APEX2: variants seen among roughly 807,000 people sequenced by gnomAD.
APEX2 encodes the protein apurinic/apyrimidinic endodeoxyribonuclease 2, also known as DNA-(apurinic or apyrimidinic site) endonuclease 2.
APEX2 carries 4 observed loss-of-function variants against 16.7 expected under a neutral mutation model. That is an observed-to-expected ratio of 0.24 (90% CI 0.12 to 0.55). APEX2 has a LOEUF of 0.55. Among genes scored for constraint, APEX2 ranks in the 20% least tolerant of loss-of-function variants. The pLI is 0.94. For missense variants in APEX2, 357 were observed against 433.6 expected (o/e 0.82, Z 1.57); for synonymous variants, 181 against 166.9 (o/e 1.08, Z -0.65).
Position 55,006,860 on chromosome X carries a change from T to C in APEX2, c.982T>C (p.Phe328Leu). 1 of 1,211,940 alleles carries C rather than the reference T, an allele frequency of 8.3e-7. No individual in the cohort carries two copies. The highest frequency in any genetic ancestry group is 1.1e-6 in the Non-Finnish European group (1 of 895,529). ...AKQCPPLCTR[F>L]LPEFAGTQLK... ...ACAGTGCCCACCTCTGTGCACCCGC[T>C]TCCTCCCTGAGTTTGCAGGCACCCA... The change falls in exon 6 of 6, where the codon TTC (phenylalanine) becomes CTC (leucine). Residue 328 changes from phenylalanine (F) to leucine (L), a missense_variant. Coordinates refer to ENST00000374987, the MANE Select transcript of APEX2 (RefSeq NM_014481.4).
Position 55,007,986 on chromosome X carries a change from G to T in APEX2, c.*551G>T, listed in dbSNP as rs28382697. The T allele has an allele frequency of 0.069, 7,767 of 112,004 alleles. 644 individuals are homozygous for T. Among genetic ancestry groups the T allele is most frequent in the African/African-American group, 0.24 (7,364 of 30,506 alleles). 9.2% of individuals were successfully genotyped at this position (112,004 alleles called of 1,213,427 possible). A position where few individuals can be genotyped will look rare whatever the true frequency, so the allele number is the denominator to read the frequency against. On this transcript the variant is annotated 3_prime_UTR_variant, in exon 6 of 6. Transcript: ENST00000374987. ...TAGGAATTTCCTGTACGGCTAAGGT[G>T]AAATCAGCAAGGAAGGTGGGCTGTG...
chrX:55,003,202 C>T (rs1055205090), intron 4 of APEX2, 94 bp downstream of exon 4: 2 of 1,026,134 alleles, frequency 1.9e-6, no homozygotes, highest in African/African-American at 1.9e-5. Context: ...GACCCTTTGT[C>T]TCTGAGTTCT....
intron 5 of APEX2, among the ~76,000 whole-genome samples, chrX:55,005,305 A>C (rs927903841): frequency 8.9e-6 from 1 of 111,906 alleles, no homozygotes; most frequent in Non-Finnish European, 1.9e-5. Context: ...TGCCTTTTCT[A>C]CTTAGTTCAG....
intron 5 of APEX2, among the ~76,000 whole-genome samples, chrX:55,004,094 C>A (rs760216089): frequency 6.0e-4 from 68 of 112,767 alleles, no homozygotes; most frequent in Middle Eastern, 4.6e-3. Flanking sequence ...GGAGTCAGAT[C>A]CAGCCCTTGG....
In APEX2 at chrX:55,006,571, C is replaced by T; in HGVS notation, c.693C>T (p.Asn231=). 13 of 1,136,941 alleles carry T rather than the reference C, an allele frequency of 1.1e-5. No individual in the cohort carries two copies. The highest frequency in any genetic ancestry group is 1.5e-5 in the Non-Finnish European group (13 of 859,323). The allele number at this position is 1,136,941 out of a possible 1,213,427, so 93.7% of individuals were successfully genotyped here. ...AGTGGATGGACAGCTTGCTCAGTAA[C>T]TTGGGGTGCCAGTCTGCCTCTCATG... The part of the protein sequence containing the change: ...GRKWMDSLLS[N]LGCQSASHVG... Residue 231 remains asparagine (N), a synonymous_variant, in exon 6 of 6, where the codon AAC becomes AAT. Coordinates refer to ENST00000374987, the MANE Select transcript of APEX2 (RefSeq NM_014481.4).
chrX:55,002,469 G>A (rs748870153), intron 3 of APEX2, 38 bp downstream of exon 3: 8 of 1,128,843 alleles, frequency 7.1e-6, no homozygotes, highest in South Asian at 4.3e-5. Flanking sequence ...AGCACTGCTG[G>A]TGCTACTCTT....
At chrX:55,001,424 C>T in intron 1 of APEX2, 122 bp from the exon 2 acceptor site, 1 of 442,268 alleles carries the variant, frequency 2.3e-6, no homozygotes, top group Non-Finnish European at 3.7e-6. Flanking sequence ...ATTTCATTCC[C>T]GTCACCCCCA....
In APEX2 at chrX:55,002,523, C is replaced by T. The variant is rs950903140; in HGVS notation, c.422+92C>T. ...GGCTTGCCATGTAAACATACATGCA[C>T]CGTGGAGAAGTTCCCAAATTTGCCT... On this transcript the variant is annotated intron_variant, in intron 3 of 5. Transcript: ENST00000374987. The T allele has an allele frequency of 2.9e-6, 3 of 1,023,641 alleles. No homozygotes were observed. In the African/African-American group the frequency reaches 5.7e-5, roughly 20 times the overall value. The allele number at this position is 1,023,641 out of a possible 1,213,427, so 84.4% of individuals were successfully genotyped here.
chrX:55,005,726 A>G (rs1276597306), intron 5 of APEX2, among the ~76,000 whole-genome samples: 2 of 110,068 alleles, frequency 1.8e-5, no homozygotes, highest in African/African-American at 6.6e-5. Context: ...TCTTTCCTCA[A>G]GTCTTTTGGG....
In APEX2 at chrX:55,006,534, A is replaced by G; in HGVS notation, c.656A>G (p.Asp219Gly). Reference protein sequence around the residue: ...DAVNLECFEEDPGRKWMDSLL... With the variant: ...DAVNLECFEEGPGRKWMDSLL... ...CTCACCTAGGAATGCTTTGAAGAGG[A>G]CCCAGGGCGCAAGTGGATGGACAGC... is the stretch of plus-strand genomic sequence containing the variant. Residue 219 changes from aspartate (D) to glycine (G), a missense_variant, in exon 6 of 6, where the codon GAC (aspartate) becomes GGC (glycine). Asp to Gly is a moderately conservative substitution (Grantham distance 94, BLOSUM62 -1). Coordinates refer to ENST00000374987, the MANE Select transcript of APEX2 (RefSeq NM_014481.4). The G allele has an allele frequency of 1.8e-6, 2 of 1,124,415 alleles. No homozygotes were observed. Among genetic ancestry groups the G allele is most frequent in the Non-Finnish European group, 1.2e-6 (1 of 853,490 alleles). 92.7% of individuals were successfully genotyped at this position (1,124,415 alleles called of 1,213,427 possible).
At chrX:55,003,704 G>A (rs944908908) in intron 4 of APEX2, 95 bp from the exon 5 acceptor site, 32 of 817,888 alleles carry the variant, frequency 3.9e-5, no homozygotes, top group Non-Finnish European at 4.5e-5. Context: ...GCCTCAATAT[G>A]GGAGAGGGCC....
Position 55,003,105 on chromosome X carries a change from G to A in APEX2, c.566G>A (p.Gly189Asp), listed in dbSNP as rs766733469. 1 of 1,211,383 alleles carries A rather than the reference G, an allele frequency of 8.3e-7. No individual in the cohort carries two copies. The highest frequency in any genetic ancestry group is 1.8e-5 in the South Asian group (1 of 56,821). Residue 189 changes from glycine (G) to aspartate (D), a missense_variant, in exon 4 of 6, where the codon GGC becomes GAC. Coordinates refer to ENST00000374987, the MANE Select transcript of APEX2 (RefSeq NM_014481.4). ...CGAGCAGAAGCCCTCCTGGCGGCAG[G>A]CAGGTACTGCAAGCCTGGGCAGTAA... is the stretch of plus-strand genomic sequence containing the variant. ...QIRAEALLAA[G>D]SHVIILGDLN...
Position 55,007,573 on chromosome X carries a change from C to T in APEX2, c.*138C>T, listed in dbSNP as rs1935524365. ...TTCCTCTTTTAAGCCCTCTCTTCCT[C>T]GCTTTCCTTCCTACCTAGCTCCTTG... is the stretch of plus-strand genomic sequence containing the variant. On this transcript the variant is annotated 3_prime_UTR_variant, in exon 6 of 6. Coordinates refer to ENST00000374987, the MANE Select transcript of APEX2 (RefSeq NM_014481.4). 8.4e-6 allele frequency: 6 copies of T among 716,117 alleles called. No homozygotes were observed. The highest frequency in any genetic ancestry group is 7.5e-5 in the South Asian group (2 of 26,669). The allele number at this position is 716,117 out of a possible 1,213,427, so 59.0% of individuals were successfully genotyped here. A position where few individuals can be genotyped will look rare whatever the true frequency, so the allele number is the denominator to read the frequency against.
rs1935502832 is a variant in APEX2 at position 55,006,655 on chromosome X, C to T, written c.777C>T (p.Thr259=). The T allele has an allele frequency of 1.7e-6, 2 of 1,164,515 alleles. No homozygotes were observed. Among genetic ancestry groups the T allele is most frequent in the African/African-American group, 1.8e-5 (1 of 56,684 alleles). ...CFQPKQEGAF[T]CWSAVTGARH... is the part of the protein sequence containing the mutation. ...AACCAAAGCAGGAGGGGGCCTTCACCTGCTGGTCAGCAGTCACTGGCGCCC... is the reference window on the plus strand; with the variant it reads ...AACCAAAGCAGGAGGGGGCCTTCACTTGCTGGTCAGCAGTCACTGGCGCCC... The change falls in exon 6 of 6, where the codon ACC becomes ACT. Residue 259 remains threonine, a synonymous_variant. Transcript: ENST00000374987.
chrX:55,007,478 C>T lies in APEX2; in HGVS notation c.*43C>T, dbSNP rs1935522463. 9.1e-7 allele frequency: 1 copy of T among 1,098,727 alleles called. No individual in the cohort carries two copies. 90.5% of individuals were successfully genotyped at this position (1,098,727 alleles called of 1,213,427 possible). A position where few individuals can be genotyped will look rare whatever the true frequency, so the allele number is the denominator to read the frequency against. Reference sequence around the variant, plus strand: ...GACATCTGGCATGGTCACCCCTGCACATGATCTGAGGCCAGCTCCCCTTCC... The same window carrying T: ...GACATCTGGCATGGTCACCCCTGCATATGATCTGAGGCCAGCTCCCCTTCC... On this transcript the variant is annotated 3_prime_UTR_variant, in exon 6 of 6. Transcript: ENST00000374987.
chrX:55,003,223 A>G (rs1206740218), intron 4 of APEX2, 115 bp downstream of exon 4: 1 of 911,737 alleles, frequency 1.1e-6, no homozygotes, highest in Non-Finnish European at 1.5e-6. Flanking sequence ...TTCACAGCAT[A>G]GTTGCAAACA....
At chrX:55,005,527 T>G (rs939953992) in intron 5 of APEX2, among the ~76,000 whole-genome samples, 1 of 111,904 alleles carries the variant, frequency 8.9e-6, no homozygotes, top group African/African-American at 3.3e-5. Flanking sequence ...ATTGTGCTAG[T>G]ATTGTCTTTC....
Position 55,003,039 on chromosome X carries a change from G to C in APEX2, c.500G>C (p.Arg167Pro). ...CPHADPGRPE[R>P]LVFKMRFYRL... ...CATGCGGACCCTGGGAGGCCTGAGC[G>C]GCTAGTCTTTAAGATGCGCTTCTAT... is the stretch of plus-strand genomic sequence containing the variant. The change falls in exon 4 of 6, where the codon CGG becomes CCG. Residue 167 changes from arginine to proline, a missense_variant. Arg to Pro is a moderately radical substitution (Grantham distance 103). Coordinates refer to ENST00000374987, the MANE Select transcript of APEX2 (RefSeq NM_014481.4). The C allele has an allele frequency of 8.3e-7, 1 of 1,211,789 alleles. No homozygotes were observed. The highest frequency in any genetic ancestry group is 1.1e-6 in the Non-Finnish European group (1 of 895,459).
At position 55,001,546 on chromosome X, in the gene APEX2, G is replaced by A. The variant is rs756423511; in HGVS notation, c.158G>A (p.Arg53Lys). The change falls in exon 2 of 6, where the codon AGG (arginine) becomes AAG (lysine). Residue 53 changes from arginine to lysine, a missense_variant and splice_region_variant. By Grantham distance (26) the Arg-to-Lys change is conservative. Coordinates refer to ENST00000374987, the MANE Select transcript of APEX2 (RefSeq NM_014481.4). Reference protein sequence around the residue: ...IVCLQETKVTRDALTEPLAIV... With the variant: ...IVCLQETKVTKDALTEPLAIV... ...TTAATCTTACATTTTTTTTTTCCAG[G>A]GGATGCACTGACAGAGCCCCTGGCT... 8.4e-7 allele frequency: 1 copy of A among 1,196,969 alleles called. No individual in the cohort carries two copies. The highest frequency in any genetic ancestry group is 1.8e-5 in the South Asian group (1 of 54,452).
Sources: gnomAD v4.1 joint callset for allele counts (sites outside exome capture counted in the v4.1 genomes callset) on GRCh38, gnomAD v4.1.1 for gene constraint, MANE v1.5 for transcripts, NCBI Gene and HGNC (gene_info 2026-07-23, HGNC 2026-07-21) for gene names.